The following ACOXL variants were observed in gnomAD, a reference collection of about 807,000 sequenced individuals.
ACOXL encodes acyl-coenzyme A oxidase-like protein.
A neutral mutation model predicts 71.9 loss-of-function variants in ACOXL; 70 were observed. The ratio of observed to expected loss-of-function variants is 0.97; its 90% confidence interval spans 0.80 to 1.19. The LOEUF is 1.19. ACOXL is among the 50% of genes most tolerant of loss of function. The pLI, the probability that ACOXL is intolerant of heterozygous loss-of-function variation, is 0.00. For missense variants in ACOXL, 703 were observed against 736.3 expected (o/e 0.95, Z 0.52); for synonymous variants, 253 against 281.6 (o/e 0.90, Z 1.02).
intron 11 of ACOXL, among the ~76,000 whole-genome samples, chr2:110,926,289 C>G (rs2149313914): frequency 6.6e-6 from 1 of 152,256 alleles, no homozygotes; most frequent in African/African-American, 2.4e-5. Flanking sequence ...GCCGCAAGGC[C>G]TCAATTTTTA....
intron 10 of ACOXL, among the ~76,000 whole-genome samples, chr2:110,845,348 G>A (rs569675407): frequency 6.6e-6 from 1 of 152,262 alleles, no homozygotes; most frequent in South Asian, 2.1e-4. Flanking sequence ...AGCCCTCATG[G>A]CTTAATCACC....
chr2:110,862,223 T>C (rs976471965), intron 10 of ACOXL, among the ~76,000 whole-genome samples: 1 of 152,212 alleles, frequency 6.6e-6, no homozygotes, highest in African/African-American at 2.4e-5. Flanking sequence ...TTGGGAAAGC[T>C]GGTGCTTCCC....
chr2:111,064,545 A>T (rs2066975234), intron 16 of ACOXL, among the ~76,000 whole-genome samples: 1 of 152,154 alleles, frequency 6.6e-6, no homozygotes, highest in Non-Finnish European at 1.5e-5. Flanking sequence ...AATACAATGT[A>T]AATGTTATGT....
intron 10 of ACOXL, among the ~76,000 whole-genome samples, chr2:110,869,201 C>T (rs1268305933): frequency 6.6e-6 from 1 of 152,174 alleles, no homozygotes; most frequent in East Asian, 1.9e-4. Flanking sequence ...TATTTGTGCT[C>T]TCACTCTCAA....
chr2:110,791,130 T>G (rs1403136324), intron 3 of ACOXL, among the ~76,000 whole-genome samples: 4 of 152,200 alleles, frequency 2.6e-5, no homozygotes, highest in Non-Finnish European at 4.4e-5. Flanking sequence ...CCCAGCTTGG[T>G]TGGATTAGCT....
intron 14 of ACOXL, among the ~76,000 whole-genome samples, chr2:111,031,044 G>T (rs111416738): frequency 6.6e-6 from 1 of 152,212 alleles, no homozygotes; most frequent in African/African-American, 2.4e-5. Context: ...AGACTATCTT[G>T]CACAGAGTAG....
At chr2:110,879,370 C>G (rs1050288731) in intron 10 of ACOXL, among the ~76,000 whole-genome samples, 1 of 152,120 alleles carries the variant, frequency 6.6e-6, no homozygotes, top group Non-Finnish European at 1.5e-5. Flanking sequence ...AACCTTCAAA[C>G]CGTTGAAGGA....
chr2:110,861,156 A>G (rs1324897560), intron 10 of ACOXL, among the ~76,000 whole-genome samples: 1 of 152,020 alleles, frequency 6.6e-6, no homozygotes, highest in African/African-American at 2.4e-5. Flanking sequence ...AACAATAACA[A>G]CGGTTTTATT....
At chr2:110,979,979 G>C (rs964780160) in intron 12 of ACOXL, among the ~76,000 whole-genome samples, 6 of 152,172 alleles carry the variant, frequency 3.9e-5, no homozygotes, top group African/African-American at 1.4e-4. Context: ...AACAAAACCC[G>C]TCTTTGGCAT....
chr2:110,735,544 T>C (rs1014963478), intron 1 of ACOXL, among the ~76,000 whole-genome samples: 2 of 152,194 alleles, frequency 1.3e-5, no homozygotes, highest in Non-Finnish European at 2.9e-5. Context: ...GGGTGGCCAC[T>C]CTCCTCAGAG....
chr2:110,992,819 C>T (rs2063231476), intron 13 of ACOXL, among the ~76,000 whole-genome samples: 1 of 152,136 alleles, frequency 6.6e-6, no homozygotes, highest in African/African-American at 2.4e-5. Context: ...AGCCTGTGGA[C>T]CTTTAGGAGG....
At chr2:111,039,758 G>C (rs1558900163) in intron 15 of ACOXL, among the ~76,000 whole-genome samples, 2 of 152,210 alleles carry the variant, frequency 1.3e-5, no homozygotes, top group Admixed American at 6.5e-5. Flanking sequence ...AACTATGGGT[G>C]AAAATTCTTC....
chr2:111,099,949 G>A (rs1274363800), intron 17 of ACOXL: 3 of 152,182 alleles, frequency 2.0e-5, no homozygotes, highest in African/African-American at 7.2e-5. Flanking sequence ...TAATGCAAAT[G>A]GCTATTTGAC....
intron 9 of ACOXL, among the ~76,000 whole-genome samples, chr2:110,815,330 C>G (rs534774811): frequency 9.9e-5 from 15 of 152,260 alleles, no homozygotes; most frequent in African/African-American, 3.6e-4. Context: ...CACAGCCAAA[C>G]CATGTCAATC....
chr2:111,020,808 A>G (rs1391998261), intron 14 of ACOXL, among the ~76,000 whole-genome samples: 1 of 152,172 alleles, frequency 6.6e-6, no homozygotes, highest in Admixed American at 6.5e-5. Flanking sequence ...CTTTGGAGCC[A>G]TATTTATTTG....
intron 11 of ACOXL, among the ~76,000 whole-genome samples, chr2:110,909,336 G>A (rs1019508614): frequency 2.0e-5 from 3 of 152,116 alleles, no homozygotes; most frequent in Non-Finnish European, 4.4e-5. Flanking sequence ...AGGGAGTGAG[G>A]AGCTTTGAAT....
At chr2:111,060,320 C>T (rs1019669550) in intron 16 of ACOXL, among the ~76,000 whole-genome samples, 1 of 152,030 alleles carries the variant, frequency 6.6e-6, no homozygotes, top group Non-Finnish European at 1.5e-5. Flanking sequence ...ACCACTGGCT[C>T]CAATAGTAAT....
chr2:111,036,490 C>T (rs1464140213), intron 15 of ACOXL, among the ~76,000 whole-genome samples: 1 of 152,214 alleles, frequency 6.6e-6, no homozygotes, highest in Non-Finnish European at 1.5e-5. Context: ...ACTGCCAAAT[C>T]CCAGTAGACC....
chr2:110,742,241 C>T (rs1028638646), intron 1 of ACOXL, among the ~76,000 whole-genome samples: 6 of 152,096 alleles, frequency 3.9e-5, no homozygotes, highest in African/African-American at 1.2e-4. Flanking sequence ...ATTTGGAGAC[C>T]ATCTCCTCCC....
Sources: gnomAD v4.1 joint callset for allele counts (sites outside exome capture counted in the v4.1 genomes callset) on GRCh38, gnomAD v4.1.1 for gene constraint, MANE v1.5 for transcripts, NCBI Gene and HGNC (gene_info 2026-07-23, HGNC 2026-07-21) for gene names.